The following BSN variants were observed in gnomAD, a reference collection of about 807,000 sequenced individuals.
The protein encoded by BSN is protein bassoon.
Under a neutral mutation model 264.8 loss-of-function variants are expected in BSN, and 57 were observed. The observed-to-expected ratio is 0.22, with a 90% CI of 0.17 to 0.27. The LOEUF is 0.27. BSN is among the 10% of genes least tolerant of loss of function. The pLI is 1.00. For synonymous variants in BSN, 2,059 were observed against 2,137.3 expected, an observed-to-expected ratio of 0.96 and a Z score of 1.01; for missense variants, 4,615 against 5,232.5, an observed-to-expected ratio of 0.88 and a Z score of 3.64.
chr3:49,626,425 G>A (rs551917054), intron 2 of BSN, among the ~76,000 whole-genome samples: 4 of 152,242 alleles, frequency 2.6e-5, no homozygotes, highest in African/African-American at 7.2e-5. Context: ...GGTGTGGGAC[G>A]TGTGGTTTGT....
intron 1 of BSN, among the ~76,000 whole-genome samples, chr3:49,567,365 C>T (rs1182690914): frequency 6.6e-6 from 1 of 152,156 alleles, no homozygotes; most frequent in East Asian, 1.9e-4. Flanking sequence ...TCTGTTGTTA[C>T]CGTCATTCTG....
At chr3:49,613,661 A>G (rs2052230620) in intron 1 of BSN, among the ~76,000 whole-genome samples, 1 of 113,756 alleles carries the variant, frequency 8.8e-6, no homozygotes, top group Non-Finnish European at 1.9e-5. Flanking sequence ...GGCCTGGCTA[A>G]TTTTCTTTTT....
intron 8 of BSN, 97 bp from the exon 9 acceptor site, chr3:49,664,326 G>A: frequency 6.6e-7 from 1 of 1,510,572 alleles, no homozygotes; most frequent in Non-Finnish European, 9.1e-7. Context: ...CACCTTATAG[G>A]GTACCTGTGT....
chr3:49,662,394 G>A lies in BSN; in HGVS notation c.10549G>A (p.Ala3517Thr), dbSNP rs201905737. The change falls in exon 6 of 12, where the codon GCC (alanine) becomes ACC (threonine). Residue 3517 changes from alanine (A) to threonine (T), a missense_variant. Around this residue, in one of 3 missense-constraint regions of BSN, gnomAD observed 3,415 missense variants for 3,866.4 expected, o/e 0.88. Coordinates refer to ENST00000296452, the MANE Select transcript of BSN (RefSeq NM_003458.4). ...PVSPLGRPRPAGGPLPPGGDT... is the reference protein window; with the variant it reads ...PVSPLGRPRPTGGPLPPGGDT... ...CAGTCCTTTGGGGAGGCCCCGCCCT[G>A]CCGGAGGGCCCCTCCCTCCCGGCGG... 8 of 1,613,562 alleles carry A rather than the reference G, an allele frequency of 5.0e-6. No homozygotes were observed. In the Admixed American group the frequency reaches 1.2e-4, roughly 24 times the overall value.
rs1034265491 is a variant in BSN at position 49,670,725 on chromosome 3, C to T, written c.*3240C>T. 2.0e-5 allele frequency: 3 copies of T among 152,358 alleles called. No homozygotes were observed. The East Asian group carries it at 5.8e-4, about 29-fold the overall frequency. 9.4% of individuals were successfully genotyped at this position (152,358 alleles called of 1,614,324 possible). A position where few individuals can be genotyped will look rare whatever the true frequency, so the allele number is the denominator to read the frequency against. On this transcript the variant is annotated 3_prime_UTR_variant, in exon 12 of 12. Transcript: ENST00000296452. ...ATCATGAGCAAGGGCATTGCCTCCT[C>T]TCTCTGCTCACTTCAGGGCCCAGTG...
At position 49,653,851 on chromosome 3, in the gene BSN, C is replaced by G; in HGVS notation, c.4295C>G (p.Thr1432Ser). Residue 1432 changes from threonine to serine, a missense_variant, in exon 5 of 12, where the codon ACT becomes AGT. By Grantham distance (58) the Thr-to-Ser change is moderately conservative. Transcript: ENST00000296452. This position sits in a 1 kb window ranked among gnomAD's most constrained non-coding sequence, Gnocchi z 6.3. ...ACCACTGCAAACTATGGGTCCCAAA[C>G]TGAGGATCTACCCCAGGCCCCCAGT... is the stretch of plus-strand genomic sequence containing the variant. ...SPTTANYGSQTEDLPQAPSGL... is the reference protein window; with the variant it reads ...SPTTANYGSQSEDLPQAPSGL... 1 of 1,614,114 alleles carries G rather than the reference C, an allele frequency of 6.2e-7. No homozygotes were observed. Among genetic ancestry groups the G allele is most frequent in the South Asian group, 1.1e-5 (1 of 91,076 alleles).
At chr3:49,634,366 A>G (rs1438624583) in intron 2 of BSN, among the ~76,000 whole-genome samples, 1 of 152,220 alleles carries the variant, frequency 6.6e-6, no homozygotes, top group Non-Finnish European at 1.5e-5. Flanking sequence ...AAAATGGTTA[A>G]GGTAGTAAAT....
At position 49,652,462 on chromosome 3, in the gene BSN, G is replaced by A; in HGVS notation, c.2906G>A (p.Gly969Asp). The A allele has an allele frequency of 6.2e-7, 1 of 1,613,748 alleles. No individual in the cohort carries two copies. Among genetic ancestry groups the A allele is most frequent in the Non-Finnish European group, 8.5e-7 (1 of 1,179,954 alleles). The change falls in exon 5 of 12, where the codon GGC becomes GAC. Residue 969 changes from glycine to aspartate, a missense_variant. By Grantham distance (94) the Gly-to-Asp change is moderately conservative. This residue lies in a region of BSN where 1,197 missense variants were observed against 1,348.0 expected (regional missense o/e 0.89). Coordinates refer to ENST00000296452, the MANE Select transcript of BSN (RefSeq NM_003458.4). ...GAGCTGGAGATGGAGAGCCTAACGGGCTCCCCTGAGGACCGCTCCCGTGGT... is the reference window on the plus strand; with the variant it reads ...GAGCTGGAGATGGAGAGCCTAACGGACTCCCCTGAGGACCGCTCCCGTGGT... ...EPELEMESLTGSPEDRSRGEH... is the reference protein window; with the variant it reads ...EPELEMESLTDSPEDRSRGEH...
At chr3:49,580,351 A>C (rs1360907098) in intron 1 of BSN, among the ~76,000 whole-genome samples, 1 of 152,238 alleles carries the variant, frequency 6.6e-6, no homozygotes, top group African/African-American at 2.4e-5. Context: ...TTAATATGAA[A>C]TCTTAAGACA....
rs762334665 is a variant in BSN at position 49,643,076 on chromosome 3, A to G, written c.1442A>G (p.Asn481Ser). Residue 481 changes from asparagine (N) to serine (S), a missense_variant, in exon 3 of 12, where the codon AAC (asparagine) becomes AGC (serine). Physicochemically the swap from Asn to Ser is conservative, Grantham distance 46. Around this residue, in one of 3 missense-constraint regions of BSN, gnomAD observed 1,197 missense variants for 1,348.0 expected, o/e 0.89. Coordinates refer to ENST00000296452, the MANE Select transcript of BSN (RefSeq NM_003458.4). ...ELNVGSKSPANYNTCTTCRLQ... is the reference protein window; with the variant it reads ...ELNVGSKSPASYNTCTTCRLQ... ...AACGTGGGCAGCAAGAGCCCAGCCA[A>G]CTATAACACATGCACCACCTGCAGG... 3 of 1,613,972 alleles carry G rather than the reference A, an allele frequency of 1.9e-6. No individual in the cohort carries two copies. Among genetic ancestry groups the G allele is most frequent in the Non-Finnish European group, 2.5e-6 (3 of 1,180,018 alleles).
At chr3:49,630,259 G>A (rs1312838346) in intron 2 of BSN, among the ~76,000 whole-genome samples, 3 of 152,198 alleles carry the variant, frequency 2.0e-5, no homozygotes, top group Non-Finnish European at 4.4e-5. Flanking sequence ...GGTGTCTTCT[G>A]CTTTCCTGGG....
At chr3:49,554,879 G>T in intron 1 of BSN, 53 bp downstream of exon 1, 1 of 1,093,678 alleles carries the variant, frequency 9.1e-7, no homozygotes, top group Non-Finnish European at 1.1e-6. Context: ...CTGAGGCCGG[G>T]ACCCGGGCCC....
chr3:49,604,997 C>T (rs13064576), intron 1 of BSN, among the ~76,000 whole-genome samples: 43,246 of 151,252 alleles, frequency 0.29, 6,674 homozygotes, highest in Middle Eastern at 0.32. Flanking sequence ...CGGTAGCTCA[C>T]GCCTGTAATC....
chr3:49,611,847 A>G (rs997606322), intron 1 of BSN, among the ~76,000 whole-genome samples: 2 of 152,086 alleles, frequency 1.3e-5, no homozygotes, highest in East Asian at 3.9e-4. Flanking sequence ...GGAGCTCCTC[A>G]AGGAGCTGCT....
intron 2 of BSN, among the ~76,000 whole-genome samples, chr3:49,639,535 G>T (rs768779261): frequency 2.6e-5 from 4 of 152,202 alleles, no homozygotes; most frequent in Non-Finnish European, 5.9e-5. Context: ...TGGGTTAATT[G>T]TTCCCAGCTA....
chr3:49,563,331 G>A (rs894372491), intron 1 of BSN, among the ~76,000 whole-genome samples: 32 of 152,210 alleles, frequency 2.1e-4, no homozygotes, highest in African/African-American at 6.3e-4. Context: ...GACCTGCAGA[G>A]CCTGCTGCAG....
At chr3:49,592,158 G>T (rs565659495) in intron 1 of BSN, among the ~76,000 whole-genome samples, 1 of 151,424 alleles carries the variant, frequency 6.6e-6, no homozygotes, top group African/African-American at 2.4e-5. Context: ...GTCCCATGCT[G>T]GAGTGCAGTG....
Position 49,602,102 on chromosome 3 carries a change from T to C in BSN, c.225-22873T>C, listed in dbSNP as rs187633837. Among the ~76,000 whole-genome samples the C allele has an allele frequency of 6.6e-5, 10 of 152,360 alleles. No homozygotes were observed. In the East Asian group the frequency reaches 1.7e-3, roughly 26 times the overall value. ...TGTTTGGGTGAGTTGGGGTAGGGGCTGGAGCCAAGGGCTCCTCATCCACTG... is the reference window on the plus strand; with the variant it reads ...TGTTTGGGTGAGTTGGGGTAGGGGCCGGAGCCAAGGGCTCCTCATCCACTG... On this transcript the variant is annotated intron_variant, in intron 1 of 11. Transcript: ENST00000296452.
rs1354809573 is a variant in BSN at position 49,638,738 on chromosome 3, C to A, written c.634-3530C>A. 6.6e-6 allele frequency among the ~76,000 whole-genome samples: 1 copy of A among 152,190 alleles called. No homozygotes were observed. Among genetic ancestry groups the A allele is most frequent in the African/African-American group, 2.4e-5 (1 of 41,448 alleles). On this transcript the variant is annotated intron_variant, in intron 2 of 11. Coordinates refer to ENST00000296452, the MANE Select transcript of BSN (RefSeq NM_003458.4). The surrounding 1 kb of genome is among the most constrained non-coding windows in gnomAD (Gnocchi z 4.3). Reference sequence around the variant, plus strand: ...GGGGCTGGGGAAAGGAAAGTTCTGGCGGTGAGTGCAGGCGGTTTGGCACGT... The same window carrying A: ...GGGGCTGGGGAAAGGAAAGTTCTGGAGGTGAGTGCAGGCGGTTTGGCACGT...
Sources: allele counts gnomAD v4.1 joint callset (sites outside exome capture counted in the v4.1 genomes callset), GRCh38; gene constraint gnomAD v4.1.1; regional missense constraint gnomAD v4.1.1; non-coding constraint Gnocchi (gnomAD v3.1); transcripts MANE v1.5; gene names NCBI Gene and HGNC (gene_info 2026-07-23, HGNC 2026-07-21).